ARMC9: variants seen among roughly 807,000 people sequenced by gnomAD.
ARMC9 encodes the protein lisH domain-containing protein ARMC9.
ARMC9 carries 94 observed loss-of-function variants against 107.0 expected under a neutral mutation model. The observed-to-expected ratio is 0.88, with a 90% CI of 0.74 to 1.04. The LOEUF (loss-of-function observed/expected upper bound fraction) is 1.04, where lower values mean the gene tolerates loss of function less well. Among genes scored for constraint, ARMC9 ranks in the 50% least tolerant of loss-of-function variants. The pLI is 0.00. For synonymous variants in ARMC9, 380 were observed against 396.9 expected (o/e 0.96, Z 0.51); for missense variants, 942 against 1,030.1 (o/e 0.91, Z 1.17).
At chr2:231,311,224 C>T (rs1478521722) in intron 19 of ARMC9, among the ~76,000 whole-genome samples, 1 of 152,208 alleles carries the variant, frequency 6.6e-6, no homozygotes, top group Non-Finnish European at 1.5e-5. Context: ...CTATGCAGCT[C>T]ACTTTGCAGC....
chr2:231,307,405 G>C (rs1346927195), intron 19 of ARMC9, among the ~76,000 whole-genome samples: 1 of 152,196 alleles, frequency 6.6e-6, no homozygotes, highest in African/African-American at 2.4e-5. Context: ...GATGGTTGGG[G>C]TGTGAGCTCT....
chr2:231,320,940 G>A (rs1468366036), intron 19 of ARMC9, among the ~76,000 whole-genome samples: 1 of 152,138 alleles, frequency 6.6e-6, no homozygotes, highest in African/African-American at 2.4e-5. Context: ...GCTGAATGTC[G>A]AGTCAGTGAC....
intron 20 of ARMC9, among the ~76,000 whole-genome samples, chr2:231,336,747 G>T (rs1313321208): frequency 6.6e-6 from 1 of 152,256 alleles, no homozygotes; most frequent in African/African-American, 2.4e-5. Context: ...GAGAATCTGA[G>T]GCTGTGGCAG....
At chr2:231,287,967 C>A (rs2040720985) in intron 17 of ARMC9, among the ~76,000 whole-genome samples, 1 of 152,170 alleles carries the variant, frequency 6.6e-6, no homozygotes, top group African/African-American at 2.4e-5. Flanking sequence ...AGTGGGTACT[C>A]CTGAGCCTGA....
intron 24 of ARMC9, 134 bp downstream of exon 24, chr2:231,370,259 T>A: frequency 9.6e-7 from 1 of 1,039,848 alleles, no homozygotes; most frequent in Non-Finnish European, 1.3e-6. Flanking sequence ...AAGGCCTGCT[T>A]CCCTTCCCCA....
intron 7 of ARMC9, among the ~76,000 whole-genome samples, chr2:231,231,551 T>C (rs986667109): frequency 1.3e-5 from 2 of 151,680 alleles, no homozygotes; most frequent in Non-Finnish European, 2.9e-5. Flanking sequence ...GCCCAGCTAA[T>C]TTTTGTACTT....
chr2:231,261,253 A>G (rs1045193054), intron 11 of ARMC9, among the ~76,000 whole-genome samples: 1 of 152,122 alleles, frequency 6.6e-6, no homozygotes, highest in Non-Finnish European at 1.5e-5. Flanking sequence ...ACACCTGTAC[A>G]CACCGATGTG....
chr2:231,328,240 C>T (rs187281597), intron 19 of ARMC9, among the ~76,000 whole-genome samples: 7 of 152,220 alleles, frequency 4.6e-5, no homozygotes, highest in Admixed American at 4.6e-4. Flanking sequence ...TGCCCATTTT[C>T]TAATTAGATT....
At chr2:231,243,532 C>A (rs1224009103) in intron 9 of ARMC9, among the ~76,000 whole-genome samples, 1 of 152,322 alleles carries the variant, frequency 6.6e-6, no homozygotes, top group South Asian at 2.1e-4. Flanking sequence ...ACAGTCCTAC[C>A]ACCCCGACTG....
intron 5 of ARMC9, among the ~76,000 whole-genome samples, chr2:231,219,920 T>A (rs1282618339): frequency 1.3e-5 from 2 of 152,170 alleles, no homozygotes; most frequent in African/African-American, 4.8e-5. Context: ...AGCCTTGACC[T>A]CCTGGGCTCA....
At chr2:231,344,778 A>G (rs1182692767) in intron 20 of ARMC9, among the ~76,000 whole-genome samples, 197 bp from the exon 21 acceptor site, 1 of 152,152 alleles carries the variant, frequency 6.6e-6, no homozygotes, top group Non-Finnish European at 1.5e-5. Flanking sequence ...ATGGTGTGAT[A>G]CACAAACCGT....
chr2:231,296,232 T>TGATGAA lies in ARMC9; in HGVS notation c.1764_1769dup (p.Glu588_Asp589dup). 6.2e-7 allele frequency: 1 copy of TGATGAA among 1,613,678 alleles called. No individual in the cohort carries two copies. The highest frequency in any genetic ancestry group is 8.5e-7 in the Non-Finnish European group (1 of 1,179,746). ...CAGATGGTGTTCTTGAATCTGATGA[T>TGATGAA]GATGAAGATGAAGATGATGAAGTAA... On this transcript the variant is annotated inframe_insertion, in exon 19 of 25. Coordinates refer to ENST00000611582, the MANE Select transcript of ARMC9 (RefSeq NM_001352754.2).
chr2:231,376,590 G>C lies in ARMC9; in HGVS notation c.*5055G>C, dbSNP rs2046205479. Among the ~76,000 whole-genome samples the C allele has an allele frequency of 6.6e-6, 1 of 152,186 alleles. No individual in the cohort carries two copies. Among genetic ancestry groups the C allele is most frequent in the Non-Finnish European group, 1.5e-5 (1 of 68,036 alleles). The stretch of plus-strand genomic sequence containing the variant: ...TGTCTCCTGATAAGATGTTATCAAT[G>C]ACAATGGTGCCCAAAACTTCATTAG... On this transcript the variant is annotated 3_prime_UTR_variant, in exon 25 of 25. Transcript: ENST00000611582.
intron 1 of ARMC9, among the ~76,000 whole-genome samples, chr2:231,202,292 G>T (rs926288018): frequency 6.8e-6 from 1 of 147,466 alleles, no homozygotes; most frequent in African/African-American, 2.5e-5. Flanking sequence ...GAGCCACCGT[G>T]CCCAGCTGAT....
intron 11 of ARMC9, among the ~76,000 whole-genome samples, chr2:231,261,941 G>A (rs1009441103): frequency 6.7e-6 from 1 of 148,218 alleles, no homozygotes; most frequent in African/African-American, 2.5e-5. Flanking sequence ...TCCTGCCTCA[G>A]CCTCCCGAGT....
chr2:231,361,798 C>G (rs2045596862), intron 23 of ARMC9, among the ~76,000 whole-genome samples: 1 of 152,088 alleles, frequency 6.6e-6, no homozygotes, highest in African/African-American at 2.4e-5. Context: ...GTTCTGGGGG[C>G]CCCCGGAGAG....
At chr2:231,348,640 G>T (rs1403279046) in intron 21 of ARMC9, among the ~76,000 whole-genome samples, 3 of 152,184 alleles carry the variant, frequency 2.0e-5, no homozygotes, top group Non-Finnish European at 4.4e-5. Flanking sequence ...ACAAAGTGAA[G>T]AGACAGCCCA....
intron 17 of ARMC9, among the ~76,000 whole-genome samples, chr2:231,286,443 C>G (rs1016730997): frequency 6.6e-6 from 1 of 152,188 alleles, no homozygotes; most frequent in Non-Finnish European, 1.5e-5. Context: ...TGTGTCAGCA[C>G]AGTCCTTCTG....
intron 3 of ARMC9, among the ~76,000 whole-genome samples, chr2:231,211,047 G>A (rs1292862111): frequency 2.0e-5 from 3 of 152,024 alleles, no homozygotes; most frequent in Non-Finnish European, 4.4e-5. Context: ...GCATAATGTC[G>A]TCAAAGTTCA....
Sources: gnomAD v4.1 joint callset for allele counts (sites outside exome capture counted in the v4.1 genomes callset) on GRCh38, gnomAD v4.1.1 for gene constraint, MANE v1.5 for transcripts, NCBI Gene and HGNC (gene_info 2026-07-23, HGNC 2026-07-21) for gene names.